The following ANXA8 variants were observed in gnomAD, a reference collection of about 807,000 sequenced individuals.
The protein encoded by ANXA8 is annexin A8.
Under a neutral mutation model 26.8 loss-of-function variants are expected in ANXA8, and 9 were observed. The ratio of observed to expected loss-of-function variants is 0.34; its 90% CI spans 0.20 to 0.59. The LOEUF (loss-of-function observed/expected upper bound fraction) is 0.59. Ranked by LOEUF, ANXA8 falls within the 20% of genes least tolerant of loss-of-function variation. The pLI is 0.84. For missense variants in ANXA8, 83 were observed against 238.5 expected (o/e 0.35, Z 4.29); for synonymous variants, 39 against 94.8 (o/e 0.41, Z 3.42).
the ANXA8 span, among the ~76,000 whole-genome samples, chr10:47,573,274 G>T: frequency 6.7e-6 from 1 of 149,626 alleles, no homozygotes; most frequent in Middle Eastern, 3.2e-3. Flanking sequence ...GAGCCACCGT[G>T]CCCAGCCAGC....
chr10:47,627,935 C>T, the ANXA8 span, among the ~76,000 whole-genome samples: 2 of 149,714 alleles, frequency 1.3e-5, no homozygotes, highest in East Asian at 3.9e-4. Context: ...TATTAACATG[C>T]TATACTGGTA....
At chr10:47,691,090 A>G in the ANXA8 span, 8 of 1,611,134 alleles carry the variant, frequency 5.0e-6, no homozygotes, top group Non-Finnish European at 6.8e-6. Flanking sequence ...TAAAATTCGG[A>G]CCAAATTCTG....
chr10:47,923,275 TG>T, the ANXA8 span: 2 of 117,796 alleles, frequency 1.7e-5, no homozygotes, highest in African/African-American at 1.9e-4. Context: ...TCGTGAAGAC[TG>T]GCATTTTGAT....
chr10:47,985,753 A>G, the ANXA8 span: 1 of 150,954 alleles, frequency 6.6e-6, no homozygotes, highest in Non-Finnish European at 1.5e-5. Flanking sequence ...AAAAAAAGGC[A>G]AAAAACGCAA....
At chr10:47,610,735 C>A in the ANXA8 span, among the ~76,000 whole-genome samples, 1 of 149,656 alleles carries the variant, frequency 6.7e-6, no homozygotes, top group Non-Finnish European at 1.5e-5. Context: ...CTTTTATTTT[C>A]TGTGGAGCTC....
At chr10:47,664,391 A>G in the ANXA8 span, among the ~76,000 whole-genome samples, 1 of 151,560 alleles carries the variant, frequency 6.6e-6, no homozygotes, top group Admixed American at 6.6e-5. Context: ...AAATAAATAA[A>G]TAAATAATAA....
At chr10:47,743,339 T>TACAC in the ANXA8 span, among the ~76,000 whole-genome samples, 3 of 59,272 alleles carry the variant, frequency 5.1e-5, no homozygotes, top group African/African-American at 1.2e-4. Flanking sequence ...CATATATATA[T>TACAC]ACATATATAT....
chr10:47,647,618 A>G, the ANXA8 span, among the ~76,000 whole-genome samples: 1 of 149,566 alleles, frequency 6.7e-6, no homozygotes. Context: ...TATCAGAAGA[A>G]ATGATGGGAC....
chr10:47,683,223 ATTTTTT>A, the ANXA8 span, among the ~76,000 whole-genome samples: 5,504 of 104,682 alleles, frequency 0.053, 2 homozygotes, highest in Middle Eastern at 0.11. Flanking sequence ...GCATTTACTA[ATTTTTT>A]TTTTTTTTTT....
At chr10:47,976,851 C>T in the ANXA8 span, among the ~76,000 whole-genome samples, 1,191 of 113,872 alleles carry the variant, frequency 0.01, 4 homozygotes, top group African/African-American at 0.036. Context: ...GATGGCAGTA[C>T]CAGTTGGGGC....
At chr10:47,472,364 AGGTAGCCCGGGGCACT>A (rs1485429438) in intron 9 of ANXA8, among the ~76,000 whole-genome samples, 173 bp from the exon 10 acceptor site, 87 of 101,974 alleles carry the variant, frequency 8.5e-4, no homozygotes, top group Admixed American at 7.3e-3. Flanking sequence ...GGGACAGGGA[AGGTAGCCCGGGGCACT>A]GGGCACAGCT....
the ANXA8 span, among the ~76,000 whole-genome samples, chr10:47,699,440 T>C: frequency 9.3e-5 from 14 of 150,092 alleles, no homozygotes; most frequent in Non-Finnish European, 1.9e-4. Context: ...AATGCTCTGA[T>C]AACATACCTG....
At chr10:47,575,261 AAGAG>A in the ANXA8 span, among the ~76,000 whole-genome samples, 2 of 136,884 alleles carry the variant, frequency 1.5e-5, no homozygotes, top group South Asian at 2.3e-4. Flanking sequence ...GAAGGAAAGA[AAGAG>A]AGAGAAAGAA....
the ANXA8 span, among the ~76,000 whole-genome samples, chr10:47,561,990 G>C: frequency 1.3e-5 from 2 of 151,442 alleles, no homozygotes; most frequent in Admixed American, 1.3e-4. Context: ...TATCTGCTGT[G>C]TGCTAGAAAA....
chr10:47,546,515 G>A, the ANXA8 span, among the ~76,000 whole-genome samples: 1 of 128,650 alleles, frequency 7.8e-6, no homozygotes, highest in African/African-American at 2.9e-5. Flanking sequence ...CCATTCTTCT[G>A]CCTCAGCCTC....
the ANXA8 span, among the ~76,000 whole-genome samples, chr10:47,623,735 T>C: frequency 9.0e-6 from 1 of 110,702 alleles, no homozygotes; most frequent in African/African-American, 3.5e-5. Flanking sequence ...ACTTATTTCA[T>C]ATCTCTTTTC....
the ANXA8 span, among the ~76,000 whole-genome samples, chr10:47,667,771 T>C: frequency 1.3e-5 from 2 of 151,810 alleles, no homozygotes; most frequent in Admixed American, 6.6e-5. Flanking sequence ...AGAGTATCAC[T>C]CTGTTGCCCA....
At chr10:47,620,926 A>G in the ANXA8 span, among the ~76,000 whole-genome samples, 2 of 111,188 alleles carry the variant, frequency 1.8e-5, 1 homozygote, top group Non-Finnish European at 3.9e-5. Flanking sequence ...AAATTATGCT[A>G]AATAAGGGCA....
chr10:47,676,988 T>A, the ANXA8 span, among the ~76,000 whole-genome samples: 1 of 65,668 alleles, frequency 1.5e-5, no homozygotes. Context: ...CATAAAGAGC[T>A]GAAAGAAAAA....
Sources: allele counts gnomAD v4.1 joint callset (sites outside exome capture counted in the v4.1 genomes callset), GRCh38; gene constraint gnomAD v4.1.1; transcripts MANE v1.5; gene names NCBI Gene and HGNC (gene_info 2026-07-23, HGNC 2026-07-21).